The following SNX27 variants were observed in gnomAD, a reference collection of about 807,000 sequenced individuals.
SNX27 encodes the protein sorting nexin 27.
A neutral mutation model predicts 71.6 loss-of-function variants in SNX27; 22 were observed. The ratio of observed to expected loss-of-function variants is 0.31; its 90% CI spans 0.22 to 0.44. The LOEUF is 0.44. Ranked by LOEUF, SNX27 falls within the 20% of genes least tolerant of loss-of-function variation. The pLI is 1.00. For synonymous variants in SNX27, 269 were observed against 277.2 expected, an observed-to-expected ratio of 0.97 and a Z score of 0.29; for missense variants, 531 against 698.6, an observed-to-expected ratio of 0.76 and a Z score of 2.70.
intron 2 of SNX27, among the ~76,000 whole-genome samples, chr1:151,651,236 C>A (rs1357502372): frequency 1.3e-5 from 2 of 149,904 alleles, no homozygotes; most frequent in Non-Finnish European, 1.5e-5. Flanking sequence ...GGGGGCTGAC[C>A]CCCCGACCTC....
At chr1:151,683,762 G>T (rs1030739592) in intron 8 of SNX27, among the ~76,000 whole-genome samples, 3 of 152,188 alleles carry the variant, frequency 2.0e-5, no homozygotes, top group African/African-American at 7.2e-5. Flanking sequence ...TGCCTCCTGG[G>T]TTCAAGCGAT....
chr1:151,626,064 G>A (rs1317320934), intron 1 of SNX27, among the ~76,000 whole-genome samples: 6 of 152,050 alleles, frequency 3.9e-5, no homozygotes, highest in South Asian at 2.1e-4. Context: ...AGGAGGTGTC[G>A]CTTGCAGTGA....
chr1:151,654,507 ATTTTAC>A (rs1467792003), intron 2 of SNX27, among the ~76,000 whole-genome samples: 1 of 151,802 alleles, frequency 6.6e-6, no homozygotes, highest in East Asian at 1.9e-4. Context: ...GGTATAGAGT[ATTTTAC>A]TTTTACTCCT....
At position 151,694,772 on chromosome 1, in the gene SNX27, C is replaced by T. The variant is rs543334162; in HGVS notation, c.*355C>T. On this transcript the variant is annotated 3_prime_UTR_variant, in exon 12 of 12. Coordinates refer to ENST00000458013, the MANE Select transcript of SNX27 (RefSeq NM_001330723.2). ...GAACTATGAACTTCATCCATTTGCACTGTTCAGACATATATATGTATGTAT... is the reference window on the plus strand; with the variant it reads ...GAACTATGAACTTCATCCATTTGCATTGTTCAGACATATATATGTATGTAT... The T allele has an allele frequency of 1.1e-3, 232 of 203,784 alleles. No individual in the cohort carries two copies. Among genetic ancestry groups the T allele is most frequent in the Non-Finnish European group, 1.9e-3 (195 of 101,196 alleles). The allele number at this position is 203,784 out of a possible 1,614,324, so 12.6% of individuals were successfully genotyped here. A position where few individuals can be genotyped will look rare whatever the true frequency, so the allele number is the denominator to read the frequency against.
intron 7 of SNX27, among the ~76,000 whole-genome samples, chr1:151,668,937 A>G (rs1340271191): frequency 6.6e-6 from 1 of 152,140 alleles, no homozygotes; most frequent in Non-Finnish European, 1.5e-5. Context: ...TTATACATAC[A>G]TAGAGTTTAA....
intron 5 of SNX27, among the ~76,000 whole-genome samples, chr1:151,664,210 A>ATTG (rs1670094799): frequency 6.8e-6 from 1 of 147,264 alleles, no homozygotes; most frequent in African/African-American, 2.5e-5. Context: ...AATAATATAT[A>ATTG]TTTAATATAT....
chr1:151,675,907 T>A (rs1410315323), intron 7 of SNX27: 1 of 136,674 alleles, frequency 7.3e-6, no homozygotes, highest in Non-Finnish European at 1.5e-5. Flanking sequence ...GTTCACTGCA[T>A]CCTCTACCTC....
Position 151,612,340 on chromosome 1 carries a change from G to A in SNX27, c.139G>A (p.Val47Ile). 1.9e-6 allele frequency: 3 copies of A among 1,542,666 alleles called. No individual in the cohort carries two copies. The highest frequency in any genetic ancestry group is 4.1e-5 in the Admixed American group (2 of 48,790). ...CGGCGGCCCGCGGGTCGTGCGCATC[G>A]TCAAGTCCGAGTCCGGCTACGGCTT... is the stretch of plus-strand genomic sequence containing the variant. ...GGGGPRVVRI[V>I]KSESGYGFNV... Residue 47 changes from valine to isoleucine, a missense_variant, in exon 1 of 12, where the codon GTC (valine) becomes ATC (isoleucine). Val to Ile is a conservative substitution (Grantham distance 29). This residue lies in a region of SNX27 where 130 missense variants were observed against 143.5 expected (regional missense o/e 0.91). Coordinates refer to ENST00000458013, the MANE Select transcript of SNX27 (RefSeq NM_001330723.2). This position sits in a 1 kb window ranked among gnomAD's most constrained non-coding sequence, Gnocchi z 5.2.
intron 5 of SNX27, among the ~76,000 whole-genome samples, chr1:151,663,655 G>A (rs1670061887): frequency 6.6e-6 from 1 of 152,018 alleles, no homozygotes; most frequent in Non-Finnish European, 1.5e-5. Flanking sequence ...GTTTGCTCTA[G>A]AGGCTCAATT....
intron 2 of SNX27, among the ~76,000 whole-genome samples, chr1:151,657,750 G>T (rs1415028399): frequency 5.3e-5 from 8 of 152,072 alleles, no homozygotes; most frequent in Admixed American, 5.2e-4. Flanking sequence ...CACTCCTCCT[G>T]CTGGGTGCGG....
rs139280604 is a variant in SNX27, at chr1:151,673,549, A to G, written c.1149+4914A>G. Among the ~76,000 whole-genome samples, 1,130 of 152,318 alleles carry G rather than the reference A, an allele frequency of 7.4e-3. 12 individuals are homozygous for G. Among genetic ancestry groups the G allele is most frequent in the Non-Finnish European group, 0.013 (904 of 68,000 alleles). ...AATGTCTATTAGATTCATTTGGTCT[A>G]TAATGCAGATTAAGTCCATTGTATC... On this transcript the variant is annotated intron_variant, in intron 7 of 11. Transcript: ENST00000458013.
At chr1:151,638,728 A>G (rs1668584077) in intron 1 of SNX27, 160 bp from the exon 2 acceptor site, 3 of 673,290 alleles carry the variant, frequency 4.5e-6, no homozygotes. Context: ...TTTTCACATT[A>G]GAAACTGTTA....
At chr1:151,622,397 A>C (rs1454153898) in intron 1 of SNX27, among the ~76,000 whole-genome samples, 1 of 152,220 alleles carries the variant, frequency 6.6e-6, no homozygotes, top group Non-Finnish European at 1.5e-5. Context: ...CAAATTTACC[A>C]GATCACGTGA....
intron 1 of SNX27, among the ~76,000 whole-genome samples, chr1:151,622,799 C>CT (rs1456809451): frequency 1.2e-4 from 18 of 151,840 alleles, no homozygotes; most frequent in African/African-American, 3.6e-4. Flanking sequence ...TTTCCCATTT[C>CT]TTTTTTTTAA....
At chr1:151,693,532 T>C in intron 11 of SNX27, 49 bp downstream of exon 11, 1 of 1,613,166 alleles carries the variant, frequency 6.2e-7, no homozygotes, top group Non-Finnish European at 8.5e-7. Flanking sequence ...TTTGTTTCTT[T>C]AAAATTTATA....
chr1:151,612,054 C>G lies in SNX27; in HGVS notation c.-148C>G. ...CCCGCCCCCTGCCTCCTCTTCACCC[C>G]GCGCCAGCAGCTCGGTGGCCGAGTC... is the stretch of plus-strand genomic sequence containing the variant. On this transcript the variant is annotated 5_prime_UTR_variant, in exon 1 of 12. Coordinates refer to ENST00000458013, the MANE Select transcript of SNX27 (RefSeq NM_001330723.2). The surrounding 1 kb of genome is among the most constrained non-coding windows in gnomAD (Gnocchi z 5.2). 3.4e-6 allele frequency: 3 copies of G among 891,276 alleles called. No homozygotes were observed. Among genetic ancestry groups the G allele is most frequent in the South Asian group, 3.2e-5 (1 of 31,190 alleles). 55.2% of individuals were successfully genotyped at this position (891,276 alleles called of 1,614,324 possible). A position where few individuals can be genotyped will look rare whatever the true frequency, so the allele number is the denominator to read the frequency against.
chr1:151,676,295 TTTTTTTTTTTTTTTTTTTTTTTTTTTTTG>T (rs1670698604), intron 7 of SNX27: 10 of 36,376 alleles, frequency 2.7e-4, no homozygotes, highest in African/African-American at 1.2e-3. Context: ...TTTTTTTTTT[TTTTTTTTTTTTTTTTTTTTTTTTTTTTTG>T]AGACAGAGTC....
Position 151,696,780 on chromosome 1 carries a change from G to A in SNX27, c.*2363G>A, listed in dbSNP as rs1671767829. On this transcript the variant is annotated 3_prime_UTR_variant, in exon 12 of 12. Transcript: ENST00000458013. ...TTCTCCTGCCTCAGCCTCCCAAGTA[G>A]CTGGGATTACAGGCATACACCACCA... The A allele has an allele frequency of 6.6e-6, 1 of 151,098 alleles. No homozygotes were observed. Among genetic ancestry groups the A allele is most frequent in the South Asian group, 2.1e-4 (1 of 4,754 alleles). 9.4% of individuals were successfully genotyped at this position (151,098 alleles called of 1,614,324 possible). A position where few individuals can be genotyped will look rare whatever the true frequency, so the allele number is the denominator to read the frequency against.
At chr1:151,687,515 A>G (rs375079316) in intron 8 of SNX27, among the ~76,000 whole-genome samples, 1 of 152,150 alleles carries the variant, frequency 6.6e-6, no homozygotes, top group African/African-American at 2.4e-5. Flanking sequence ...TGGCTCTTGA[A>G]GTTCCTCTCA....
Sources: gnomAD v4.1 joint callset for allele counts (sites outside exome capture counted in the v4.1 genomes callset) on GRCh38, gnomAD v4.1.1 for gene constraint, gnomAD v4.1.1 regional missense constraint, Gnocchi (gnomAD v3.1) non-coding constraint, MANE v1.5 for transcripts, NCBI Gene and HGNC (gene_info 2026-07-23, HGNC 2026-07-21) for gene names.